Variants in ARFIP1 observed in about 807,000 individuals in gnomAD.
ARFIP1 encodes the protein arfaptin-1.
In ARFIP1, 24 loss-of-function variants were observed where a neutral mutation model predicts 42.5. The observed-to-expected ratio is 0.57, with a 90% CI of 0.41 to 0.80. The LOEUF (loss-of-function observed/expected upper bound fraction) is 0.80, where lower values mean the gene tolerates loss of function less well. Among genes scored for constraint, ARFIP1 ranks in the 30% least tolerant of loss-of-function variants. The pLI, the probability that ARFIP1 is intolerant of heterozygous loss-of-function variation, is 0.00. For missense variants in ARFIP1, 354 were observed against 434.0 expected (o/e 0.82, Z 1.64); for synonymous variants, 141 against 153.7 (o/e 0.92, Z 0.61).
chr4:152,849,542 A>C (rs1455227508), intron 2 of ARFIP1, among the ~76,000 whole-genome samples: 6 of 152,194 alleles, frequency 3.9e-5, no homozygotes, highest in Non-Finnish European at 5.9e-5. Context: ...CTTAGAATCT[A>C]GACTAAGTGG....
intron 2 of ARFIP1, among the ~76,000 whole-genome samples, chr4:152,842,265 T>C (rs1185569614): frequency 6.6e-6 from 1 of 151,644 alleles, no homozygotes; most frequent in Admixed American, 6.6e-5. Flanking sequence ...CAGCAATGGC[T>C]ACCCTCTTTG....
chr4:152,870,844 T>C lies in ARFIP1; in HGVS notation c.294T>C (p.Pro98=), dbSNP rs368719470. Residue 98 remains proline, a synonymous_variant, in exon 4 of 9, where the codon CCT becomes CCC. Coordinates refer to ENST00000353617, the MANE Select transcript of ARFIP1 (RefSeq NM_001025595.3). Reference sequence around the variant, plus strand: ...AGCAAGGAAGTGATTTAATTGTTCCTGCAGGTATTCACTGCACTGATTGGA... The same window carrying C: ...AGCAAGGAAGTGATTTAATTGTTCCCGCAGGTATTCACTGCACTGATTGGA... ...LAQQGSDLIV[P]AGGQRTQTKS... 1.2e-6 allele frequency: 2 copies of C among 1,611,658 alleles called. No individual in the cohort carries two copies. Among genetic ancestry groups the C allele is most frequent in the African/African-American group, 2.7e-5 (2 of 74,884 alleles).
At chr4:152,834,204 T>C (rs371721534) in intron 2 of ARFIP1, among the ~76,000 whole-genome samples, 20 of 152,134 alleles carry the variant, frequency 1.3e-4, no homozygotes, top group Non-Finnish European at 1.3e-4. Context: ...CATGATCCAG[T>C]CACTTCCCAC....
At chr4:152,784,398 C>T (rs1730675655) in intron 1 of ARFIP1, among the ~76,000 whole-genome samples, 1 of 152,212 alleles carries the variant, frequency 6.6e-6, no homozygotes, top group Non-Finnish European at 1.5e-5. Flanking sequence ...TCCTCTTTCT[C>T]CCATCTCTCA....
rs542165586 is a variant in ARFIP1 at position 152,782,111 on chromosome 4, G to A, written c.-10+1885G>A. 1.7e-4 allele frequency among the ~76,000 whole-genome samples: 26 copies of A among 152,156 alleles called. 1 individual carries two copies. In the South Asian group the frequency reaches 4.8e-3, roughly 28 times the overall value. ...ATCTTGTTGAAGTTAGTGAAAACAG[G>A]TGTGTATGTGTGTGTGCTTTCCCAA... On this transcript the variant is annotated intron_variant, in intron 1 of 8. Transcript: ENST00000353617.
At chr4:152,801,856 A>G (rs112326907) in intron 1 of ARFIP1, among the ~76,000 whole-genome samples, 39 of 152,300 alleles carry the variant, frequency 2.6e-4, no homozygotes, top group African/African-American at 9.4e-4. Context: ...GCTGTGTTAT[A>G]TATAGGTGAG....
At chr4:152,883,750 C>T (rs1736041579) in intron 7 of ARFIP1, among the ~76,000 whole-genome samples, 1 of 151,230 alleles carries the variant, frequency 6.6e-6, no homozygotes, top group African/African-American at 2.4e-5. Context: ...CTATAATAGC[C>T]TTTTTCACCT....
At chr4:152,866,507 C>A (rs545393340) in intron 3 of ARFIP1, among the ~76,000 whole-genome samples, 2 of 149,960 alleles carry the variant, frequency 1.3e-5, no homozygotes, top group Admixed American at 6.6e-5. Context: ...CTGACCCCCC[C>A]ACCTCCCTCC....
At chr4:152,839,584 C>G (rs979040725) in intron 2 of ARFIP1, among the ~76,000 whole-genome samples, 3 of 152,070 alleles carry the variant, frequency 2.0e-5, no homozygotes, top group African/African-American at 7.2e-5. Context: ...TTCATAGTAG[C>G]CTTGAGTGAC....
At position 152,882,854 on chromosome 4, in the gene ARFIP1, G is replaced by A. The variant is rs775372607; in HGVS notation, c.765G>A (p.Met255Ile). ...ATAAAACCATTGAAGATACATTAAT[G>A]ACTGTGAAACAGTATGAAAGTGCCA... ...LVNKTIEDTLMTVKQYESARI... is the reference protein window; with the variant it reads ...LVNKTIEDTLITVKQYESARI... The change falls in exon 7 of 9, where the codon ATG becomes ATA. Residue 255 changes from methionine to isoleucine, a missense_variant. Physicochemically the swap from Met to Ile is conservative, Grantham distance 10. Coordinates refer to ENST00000353617, the MANE Select transcript of ARFIP1 (RefSeq NM_001025595.3). 1.2e-6 allele frequency: 2 copies of A among 1,610,290 alleles called. No homozygotes were observed. The highest frequency in any genetic ancestry group is 8.5e-7 in the Non-Finnish European group (1 of 1,178,522).
chr4:152,835,443 C>CA (rs1164406885), intron 2 of ARFIP1, among the ~76,000 whole-genome samples: 1 of 152,178 alleles, frequency 6.6e-6, no homozygotes, highest in African/African-American at 2.4e-5. Context: ...TAGGGTATAC[C>CA]ATGGGTGACT....
chr4:152,818,920 C>T (rs1023048450), intron 1 of ARFIP1, among the ~76,000 whole-genome samples: 1 of 152,154 alleles, frequency 6.6e-6, no homozygotes, highest in African/African-American at 2.4e-5. Flanking sequence ...GAACATTACC[C>T]CAGCAGCCAG....
At chr4:152,852,540 G>T (rs1733079133) in intron 2 of ARFIP1, among the ~76,000 whole-genome samples, 1 of 152,100 alleles carries the variant, frequency 6.6e-6, no homozygotes, top group African/African-American at 2.4e-5. Flanking sequence ...GGCTGAGGCA[G>T]GAGAATTGCT....
intron 5 of ARFIP1, among the ~76,000 whole-genome samples, chr4:152,874,691 G>A (rs1025975221): frequency 3.3e-5 from 5 of 151,624 alleles, no homozygotes; most frequent in African/African-American, 1.2e-4. Context: ...GTGTAGATAG[G>A]TCTCACTCTG....
intron 8 of ARFIP1, among the ~76,000 whole-genome samples, chr4:152,907,725 T>C (rs1738487835): frequency 6.6e-6 from 1 of 152,238 alleles, no homozygotes; most frequent in Non-Finnish European, 1.5e-5. Context: ...AGTTCATTTA[T>C]GTTTACTCCT....
At chr4:152,806,799 A>T (rs1238379735) in intron 1 of ARFIP1, among the ~76,000 whole-genome samples, 1 of 13,570 alleles carries the variant, frequency 7.4e-5, no homozygotes, top group Admixed American at 4.6e-4. Flanking sequence ...TTTGTGCCTG[A>T]CTTTTTTTTT....
chr4:152,808,187 T>G (rs1729137025), intron 1 of ARFIP1, among the ~76,000 whole-genome samples: 1 of 150,684 alleles, frequency 6.6e-6, no homozygotes, highest in Non-Finnish European at 1.5e-5. Flanking sequence ...TCCATGTTGG[T>G]CAGGCTGGTC....
chr4:152,803,392 A>G (rs762899082), intron 1 of ARFIP1, among the ~76,000 whole-genome samples: 2 of 152,172 alleles, frequency 1.3e-5, no homozygotes, highest in Non-Finnish European at 2.9e-5. Context: ...CACTATTGAC[A>G]TATTTGGGTA....
At chr4:152,905,439 A>G (rs543341817) in intron 8 of ARFIP1, among the ~76,000 whole-genome samples, 34 of 150,690 alleles carry the variant, frequency 2.3e-4, no homozygotes, top group African/African-American at 8.3e-4. Flanking sequence ...GATGTTGAGC[A>G]TCTTTTTATG....
Sources: allele counts gnomAD v4.1 joint callset (sites outside exome capture counted in the v4.1 genomes callset), GRCh38; gene constraint gnomAD v4.1.1; transcripts MANE v1.5; gene names NCBI Gene and HGNC (gene_info 2026-07-23, HGNC 2026-07-21).